ECHS1: variants seen among roughly 807,000 people sequenced by gnomAD.
ECHS1 encodes enoyl-CoA hydratase, short chain 1.
In ECHS1, 19 loss-of-function variants were observed where a neutral mutation model predicts 33.5. That is an observed-to-expected ratio of 0.57 (90% CI 0.40 to 0.83). The LOEUF is 0.83. ECHS1 is among the 40% of genes least tolerant of loss of function. The pLI, the probability that ECHS1 is intolerant of heterozygous loss-of-function variation, is 0.00. For synonymous variants in ECHS1, 158 were observed against 146.6 expected (o/e 1.08, Z -0.56); for missense variants, 365 against 381.3 (o/e 0.96, Z 0.36).
rs372408822 is a variant in ECHS1 at position 133,373,326 on chromosome 10, G to A, written c.8C>T (p.Ala3Val). 386 of 1,502,980 alleles carry A rather than the reference G, an allele frequency of 2.6e-4. 1 individual carries two copies. Among genetic ancestry groups the A allele is most frequent in the Non-Finnish European group, 3.3e-4 (378 of 1,132,006 alleles). The allele number at this position is 1,502,980 out of a possible 1,614,324, so 93.1% of individuals were successfully genotyped here. The change falls in exon 1 of 8, where the codon GCC becomes GTC. Residue 3 changes from alanine to valine, a missense_variant. Coordinates refer to ENST00000368547, the MANE Select transcript of ECHS1 (RefSeq NM_004092.4). MA[A>V]LRVLLSCVRG... ...GACGCAGGACAGCAGGACACGCAGGGCGGCCATGGCTCTCTGGACTCCTCG... is the reference window on the plus strand; with the variant it reads ...GACGCAGGACAGCAGGACACGCAGGACGGCCATGGCTCTCTGGACTCCTCG...
intron 6 of ECHS1, among the ~76,000 whole-genome samples, chr10:133,365,181 C>A (rs1191518320): frequency 6.6e-6 from 1 of 152,248 alleles, no homozygotes; most frequent in Non-Finnish European, 1.5e-5. Context: ...AGAGCAGATC[C>A]AGGTGCGCAG....
At chr10:133,373,134 A>T in intron 1 of ECHS1, 112 bp downstream of exon 1, 1 of 616,350 alleles carries the variant, frequency 1.6e-6, no homozygotes, top group Non-Finnish European at 2.1e-6. Flanking sequence ...GGTTGGGGTC[A>T]GGTGGGGGAT....
chr10:133,370,367 A>G (rs1297956549), intron 2 of ECHS1, among the ~76,000 whole-genome samples, 193 bp downstream of exon 2: 1 of 152,224 alleles, frequency 6.6e-6, no homozygotes, highest in Non-Finnish European at 1.5e-5. Context: ...GGTGGAGCAC[A>G]TGCAGCTCTC....
intron 5 of ECHS1, 121 bp downstream of exon 5, chr10:133,366,768 G>A (rs1170554784): frequency 2.0e-5 from 14 of 706,600 alleles, no homozygotes; most frequent in South Asian, 1.5e-4. Context: ...GGGACACCTG[G>A]ATGCTGCCCC....
chr10:133,363,353 GCGCACACACA>G (rs1337991285), intron 7 of ECHS1, among the ~76,000 whole-genome samples: 1 of 130,314 alleles, frequency 7.7e-6, no homozygotes, highest in South Asian at 2.2e-4. Flanking sequence ...GTGTGCGCGC[GCGCACACACA>G]CACACACACA....
chr10:133,363,011 T>G, intron 7 of ECHS1, 78 bp from the exon 8 acceptor site: 1 of 1,542,812 alleles, frequency 6.5e-7, no homozygotes, highest in Non-Finnish European at 8.9e-7. Context: ...CGCCCGTCTC[T>G]CCCTGGCTCT....
intron 6 of ECHS1, among the ~76,000 whole-genome samples, chr10:133,365,108 G>A (rs377226703): frequency 6.6e-6 from 1 of 152,368 alleles, no homozygotes; most frequent in East Asian, 1.9e-4. Flanking sequence ...GCTGGGCGCG[G>A]CCGGCACCAA....
At position 133,368,907 on chromosome 10, in the gene ECHS1, C is replaced by T; in HGVS notation, c.514+16G>A. ...TTACCTAAGGCATCTATGCCAGAGACAGTGTCACTCTTTACCTGGGATGGT... is the reference window on the plus strand; with the variant it reads ...TTACCTAAGGCATCTATGCCAGAGATAGTGTCACTCTTTACCTGGGATGGT... On this transcript the variant is annotated intron_variant, in intron 4 of 7. Coordinates refer to ENST00000368547, the MANE Select transcript of ECHS1 (RefSeq NM_004092.4). 1.2e-6 allele frequency: 2 copies of T among 1,609,724 alleles called. No homozygotes were observed. Among genetic ancestry groups the T allele is most frequent in the Non-Finnish European group, 1.7e-6 (2 of 1,176,444 alleles).
At position 133,366,054 on chromosome 10, in the gene ECHS1, C is replaced by T. The variant is rs768173453; in HGVS notation, c.661G>A (p.Glu221Lys). 2.5e-6 allele frequency: 4 copies of T among 1,613,846 alleles called. No individual in the cohort carries two copies. The highest frequency in any genetic ancestry group is 4.5e-5 in the East Asian group (2 of 44,904). Residue 221 changes from glutamate (E) to lysine (K), a missense_variant, in exon 6 of 8, where the codon GAA (glutamate) becomes AAA (lysine). Physicochemically the swap from Glu to Lys is moderately conservative, Grantham distance 56. Transcript: ENST00000368547. ...ATTTTTTCTGCACACTGGATGGCTT[C>T]TTCCACCAGTGTCTCAACAGGACAA... ...KICPVETLVE[E>K]AIQCAEKIAS...
At position 133,364,585 on chromosome 10, in the gene ECHS1, T is replaced by C. The variant is rs1849005373; in HGVS notation, c.807+73A>G. The C allele has an allele frequency of 2.4e-6, 3 of 1,237,628 alleles. No homozygotes were observed. In the East Asian group the frequency reaches 7.0e-5, roughly 29 times the overall value. 76.7% of individuals were successfully genotyped at this position (1,237,628 alleles called of 1,614,324 possible). A position where few individuals can be genotyped will look rare whatever the true frequency, so the allele number is the denominator to read the frequency against. ...AAAGAAACGATACTTAATGATAAAA[T>C]TTAAAAGGAAATTCCCAGCAACTTG... On this transcript the variant is annotated intron_variant, in intron 7 of 7. Coordinates refer to ENST00000368547, the MANE Select transcript of ECHS1 (RefSeq NM_004092.4).
intron 7 of ECHS1, 131 bp from the exon 8 acceptor site, chr10:133,363,064 AC>A: frequency 9.8e-7 from 1 of 1,021,374 alleles, no homozygotes; most frequent in East Asian, 2.5e-5. Context: ...CGGGGAGGGG[AC>A]TCAGCGGCAG....
In ECHS1 at chr10:133,370,711, G is replaced by A. The variant is rs377102941; in HGVS notation, c.135C>T (p.Asn45=). 12 of 1,612,830 alleles carry A rather than the reference G, an allele frequency of 7.4e-6. No homozygotes were observed. The highest frequency in any genetic ancestry group is 2.7e-5 in the African/African-American group (2 of 75,014). ...GGTTCAGTTGGATCAACCCCACGGT[G>A]TTATTCTTCCCTCTTTTTTCTGCGA... ...YIIAEKRGKN[N]TVGLIQLNRP... The change falls in exon 2 of 8, where the codon AAC becomes AAT. Residue 45 remains asparagine (N), a synonymous_variant. Transcript: ENST00000368547.
chr10:133,372,572 C>T (rs986694981), intron 1 of ECHS1, among the ~76,000 whole-genome samples: 10 of 152,122 alleles, frequency 6.6e-5, no homozygotes, highest in African/African-American at 2.4e-4. Context: ...ACAACCCCCA[C>T]CCTGCGCCCA....
Position 133,362,696 on chromosome 10 carries a change from G to A in ECHS1, c.*172C>T, listed in dbSNP as rs1848980398. On this transcript the variant is annotated 3_prime_UTR_variant, in exon 8 of 8. Transcript: ENST00000368547. The stretch of plus-strand genomic sequence containing the variant: ...TCCAGTCAGGACCCTCACAGGCTGG[G>A]TGACGAAGGCTGTCATGCCGTGAGA... 1 of 688,988 alleles carries A rather than the reference G, an allele frequency of 1.5e-6. No homozygotes were observed. Among genetic ancestry groups the A allele is most frequent in the Non-Finnish European group, 2.5e-6 (1 of 393,072 alleles). The allele number at this position is 688,988 out of a possible 1,614,324, so 42.7% of individuals were successfully genotyped here.
chr10:133,373,300 G>A lies in ECHS1; in HGVS notation c.34C>T (p.Arg12Cys), dbSNP rs771935232. 1.3e-6 allele frequency: 2 copies of A among 1,489,858 alleles called. No individual in the cohort carries two copies. The highest frequency in any genetic ancestry group is 8.9e-7 in the Non-Finnish European group (1 of 1,126,052). The allele number at this position is 1,489,858 out of a possible 1,614,324, so 92.3% of individuals were successfully genotyped here. A position where few individuals can be genotyped will look rare whatever the true frequency, so the allele number is the denominator to read the frequency against. Residue 12 changes from arginine to cysteine, a missense_variant, in exon 1 of 8, where the codon CGC becomes TGC. Transcript: ENST00000368547. ...AALRVLLSCV[R>C]GPLRPPVRCP... ...CGAACCGGGGGCCTCAGCGGGCCGC[G>A]GACGCAGGACAGCAGGACACGCAGG...
chr10:133,367,000 G>A lies in ECHS1; in HGVS notation c.515-7C>T. 1 of 1,606,666 alleles carries A rather than the reference G, an allele frequency of 6.2e-7. No individual in the cohort carries two copies. The highest frequency in any genetic ancestry group is 8.5e-7 in the Non-Finnish European group (1 of 1,177,362). On this transcript the variant is annotated splice_region_variant and splice_polypyrimidine_tract_variant and intron_variant, in intron 4 of 7. Coordinates refer to ENST00000368547, the MANE Select transcript of ECHS1 (RefSeq NM_004092.4). ...CTCTGGGTGCCGCCCGCACCTGCAGGGAGGGGCTGGTCATGGCTGGCACTG... is the reference window on the plus strand; with the variant it reads ...CTCTGGGTGCCGCCCGCACCTGCAGAGAGGGGCTGGTCATGGCTGGCACTG...
chr10:133,370,898 C>T (rs1007151370), intron 1 of ECHS1, 141 bp from the exon 2 acceptor site: 2 of 700,238 alleles, frequency 2.9e-6, no homozygotes, highest in African/African-American at 3.6e-5. Context: ...TCCTCAGTGG[C>T]TCCAGGTGTA....
chr10:133,364,603 G>C, intron 7 of ECHS1, 55 bp downstream of exon 7: 3 of 1,377,886 alleles, frequency 2.2e-6, no homozygotes. Context: ...GAAATTCCCA[G>C]CAACTTGTGT....
chr10:133,370,433 T>C (rs1849088535), intron 2 of ECHS1, 127 bp downstream of exon 2: 1 of 1,069,902 alleles, frequency 9.3e-7, no homozygotes, highest in Admixed American at 3.1e-5. Context: ...TCACTCGATA[T>C]TTGAGGAAGT....
Sources: allele counts gnomAD v4.1 joint callset (sites outside exome capture counted in the v4.1 genomes callset), GRCh38; gene constraint gnomAD v4.1.1; transcripts MANE v1.5; gene names NCBI Gene and HGNC (gene_info 2026-07-23, HGNC 2026-07-21).